ZNF385B: variants seen among roughly 807,000 people sequenced by gnomAD.
ZNF385B encodes the protein zinc finger protein 385B.
ZNF385B carries 23 observed loss-of-function variants against 39.2 expected under a neutral mutation model. The ratio of observed to expected loss-of-function variants is 0.59; its 90% confidence interval spans 0.42 to 0.83. The LOEUF is 0.83. Ranked by LOEUF, ZNF385B falls within the 40% of genes least tolerant of loss-of-function variation. The pLI, the probability that ZNF385B is intolerant of heterozygous loss-of-function variation, is 0.00. For synonymous variants in ZNF385B, 205 were observed against 222.6 expected (o/e 0.92, Z 0.70); for missense variants, 552 against 598.9 (o/e 0.92, Z 0.82).
chr2:179,729,867 T>C (rs1701274963), intron 3 of ZNF385B, among the ~76,000 whole-genome samples: 1 of 152,168 alleles, frequency 6.6e-6, no homozygotes, highest in Non-Finnish European at 1.5e-5. Context: ...ACACACTCTC[T>C]CTTGCCTGCC....
intron 3 of ZNF385B, among the ~76,000 whole-genome samples, chr2:179,750,864 C>T (rs550644399): frequency 3.3e-5 from 5 of 151,942 alleles, no homozygotes; most frequent in Non-Finnish European, 5.9e-5. Flanking sequence ...TTGCAAAAGT[C>T]AGATATTTTG....
At chr2:179,705,188 A>G (rs1699498457) in intron 3 of ZNF385B, among the ~76,000 whole-genome samples, 1 of 152,086 alleles carries the variant, frequency 6.6e-6, no homozygotes, top group Non-Finnish European at 1.5e-5. Flanking sequence ...AGATCTCTGA[A>G]GGCATTGCTC....
At chr2:179,831,100 G>T (rs920645885) in intron 1 of ZNF385B, among the ~76,000 whole-genome samples, 2 of 152,090 alleles carry the variant, frequency 1.3e-5, no homozygotes, top group African/African-American at 4.8e-5. Flanking sequence ...CTCATGAAAT[G>T]GGAAACAGAG....
intron 3 of ZNF385B, among the ~76,000 whole-genome samples, chr2:179,683,094 G>A (rs147311092): frequency 6.6e-6 from 1 of 152,202 alleles, no homozygotes; most frequent in East Asian, 1.9e-4. Context: ...AAGTTAAGAT[G>A]AGAAACACCA....
chr2:179,482,451 G>A (rs1433815724), intron 6 of ZNF385B, among the ~76,000 whole-genome samples: 5 of 152,206 alleles, frequency 3.3e-5, no homozygotes, highest in Admixed American at 2.6e-4. Context: ...GCCCAGAGGG[G>A]CAGATGTGAG....
intron 4 of ZNF385B, among the ~76,000 whole-genome samples, chr2:179,544,205 G>A (rs2060090928): frequency 6.6e-6 from 1 of 152,200 alleles, no homozygotes; most frequent in South Asian, 2.1e-4. Context: ...AAGGTCAGCT[G>A]AGCTGAAGCA....
At chr2:179,840,224 C>T (rs1317184415) in intron 1 of ZNF385B, among the ~76,000 whole-genome samples, 2 of 152,210 alleles carry the variant, frequency 1.3e-5, no homozygotes, top group Non-Finnish European at 2.9e-5. Flanking sequence ...GCCTTGTCCC[C>T]CAAAGTCCCT....
At chr2:179,681,409 A>C (rs977702046) in intron 3 of ZNF385B, among the ~76,000 whole-genome samples, 2 of 152,148 alleles carry the variant, frequency 1.3e-5, no homozygotes, top group African/African-American at 4.8e-5. Context: ...TCATTTTTCT[A>C]GTCTTAGGGC....
At chr2:179,663,793 T>C (rs1413269921) in intron 3 of ZNF385B, among the ~76,000 whole-genome samples, 1 of 149,638 alleles carries the variant, frequency 6.7e-6, no homozygotes. Context: ...AGAAACTAAG[T>C]GCTAGCTATG....
At position 179,632,113 on chromosome 2, in the gene ZNF385B, C is replaced by T. The variant is rs549041660; in HGVS notation, c.299-87144G>A. 2.6e-5 allele frequency among the ~76,000 whole-genome samples: 4 copies of T among 152,282 alleles called. No homozygotes were observed. In the South Asian group the frequency reaches 8.3e-4, roughly 32 times the overall value. On this transcript the variant is annotated intron_variant, in intron 3 of 9. Transcript: ENST00000410066. ...ACACAATAATAATGAGAGACTTTAACACCCCACTGTCAATATTAGACAGAT... is the reference window on the plus strand; with the variant it reads ...ACACAATAATAATGAGAGACTTTAATACCCCACTGTCAATATTAGACAGAT...
chr2:179,693,244 C>A (rs1002568487), intron 3 of ZNF385B, among the ~76,000 whole-genome samples: 3 of 152,180 alleles, frequency 2.0e-5, no homozygotes, highest in Admixed American at 6.5e-5. Context: ...AGAAGAGAGG[C>A]TCACTTATGT....
chr2:179,602,493 C>T (rs1688487395), intron 3 of ZNF385B, among the ~76,000 whole-genome samples: 1 of 151,898 alleles, frequency 6.6e-6, no homozygotes, highest in South Asian at 2.1e-4. Flanking sequence ...GCCATCGCAC[C>T]CAGCTTCTTT....
chr2:179,570,363 C>G (rs1388255334), intron 3 of ZNF385B, among the ~76,000 whole-genome samples: 1 of 152,104 alleles, frequency 6.6e-6, no homozygotes. Context: ...AATCTGGGGG[C>G]TTGGGAACAA....
intron 3 of ZNF385B, among the ~76,000 whole-genome samples, chr2:179,610,525 A>G (rs991143491): frequency 3.3e-5 from 5 of 152,032 alleles, no homozygotes; most frequent in African/African-American, 1.2e-4. Flanking sequence ...TCAGGATATC[A>G]TTGGCTAATC....
At chr2:179,766,962 C>T (rs1482547598) in intron 3 of ZNF385B, among the ~76,000 whole-genome samples, 1 of 152,168 alleles carries the variant, frequency 6.6e-6, no homozygotes, top group African/African-American at 2.4e-5. Flanking sequence ...TCCACCTGTA[C>T]TTGCCTGGGC....
At chr2:179,608,841 ACTGTGTGT>A (rs1689046529) in intron 3 of ZNF385B, among the ~76,000 whole-genome samples, 1 of 108,212 alleles carries the variant, frequency 9.2e-6, no homozygotes. Flanking sequence ...AAGGGCCAAG[ACTGTGTGT>A]GTGTGTGTGT....
intron 5 of ZNF385B, among the ~76,000 whole-genome samples, chr2:179,518,201 T>C (rs1027981715): frequency 3.3e-5 from 5 of 152,220 alleles, no homozygotes; most frequent in African/African-American, 9.6e-5. Context: ...TCTTAGCCAC[T>C]TATAGACTAT....
intron 3 of ZNF385B, among the ~76,000 whole-genome samples, chr2:179,730,572 A>T (rs1701322798): frequency 6.6e-6 from 1 of 152,208 alleles, no homozygotes; most frequent in South Asian, 2.1e-4. Context: ...TAAAATAGTA[A>T]ATGTATGAGA....
intron 3 of ZNF385B, among the ~76,000 whole-genome samples, chr2:179,643,828 A>G (rs62176334): frequency 0.066 from 9,990 of 152,144 alleles, 473 homozygotes; most frequent in East Asian, 0.18. Context: ...ATATATATGT[A>G]TCAAAACTCC....
Sources: allele counts gnomAD v4.1 joint callset (sites outside exome capture counted in the v4.1 genomes callset), GRCh38; gene constraint gnomAD v4.1.1; transcripts MANE v1.5; gene names NCBI Gene and HGNC (gene_info 2026-07-23, HGNC 2026-07-21).